Variants in FBXO34 observed in about 807,000 individuals in gnomAD.
FBXO34 encodes the protein F-box only protein 34.
A neutral mutation model predicts 24.5 loss-of-function variants in FBXO34; 12 were observed. That is an observed-to-expected ratio of 0.49 (90% CI 0.31 to 0.79). The LOEUF is 0.79. Among genes scored for constraint, FBXO34 ranks in the 30% least tolerant of loss-of-function variants. FBXO34 has a pLI of 0.04. For missense variants in FBXO34, 823 were observed against 857.7 expected, an observed-to-expected ratio of 0.96 and a Z score of 0.51; for synonymous variants, 320 against 311.9, an observed-to-expected ratio of 1.03 and a Z score of -0.27.
intron 1 of FBXO34, among the ~76,000 whole-genome samples, chr14:55,320,128 A>T (rs1464775902): frequency 2.0e-5 from 3 of 152,228 alleles, no homozygotes; most frequent in Admixed American, 2.0e-4. Context: ...TGCTTGCCAT[A>T]ATCTTTTCTC....
the FBXO34 span, among the ~76,000 whole-genome samples, chr14:55,378,550 T>G: frequency 6.6e-6 from 1 of 152,196 alleles, no homozygotes; most frequent in Non-Finnish European, 1.5e-5. Flanking sequence ...GCAACTGCCA[T>G]TCTTTTTACC....
intron 1 of FBXO34, among the ~76,000 whole-genome samples, chr14:55,317,394 C>T (rs1447523452): frequency 1.3e-5 from 2 of 152,210 alleles, no homozygotes; most frequent in East Asian, 1.9e-4. Context: ...GTGGGAGAAG[C>T]CCTTGAGCCC....
At chr14:55,414,881 T>A in the FBXO34 span, among the ~76,000 whole-genome samples, 1 of 152,222 alleles carries the variant, frequency 6.6e-6, no homozygotes, top group Non-Finnish European at 1.5e-5. Context: ...AGCTTTAAAT[T>A]TGTTTTAAAT....
chr14:55,419,846 C>G, the FBXO34 span, among the ~76,000 whole-genome samples: 1 of 152,180 alleles, frequency 6.6e-6, no homozygotes, highest in South Asian at 2.1e-4. Flanking sequence ...CAGTCAGACT[C>G]AAAGTTCATT....
intron 1 of FBXO34, among the ~76,000 whole-genome samples, chr14:55,299,493 C>G (rs533800008): frequency 2.3e-3 from 223 of 95,858 alleles, no homozygotes; most frequent in Non-Finnish European, 3.0e-3. Flanking sequence ...GTTTGCAAAT[C>G]CAAAAAAAAA....
intron 1 of FBXO34, chr14:55,298,503 G>A: frequency 1.7e-6 from 1 of 598,218 alleles, no homozygotes; most frequent in Non-Finnish European, 3.0e-6. Flanking sequence ...CCTTATGTTT[G>A]TACCAGTTTT....
intron 1 of FBXO34, among the ~76,000 whole-genome samples, chr14:55,334,920 T>G (rs1302185125): frequency 1.1e-4 from 17 of 152,314 alleles, no homozygotes. Context: ...AAGGTAGTTT[T>G]GTGGTAGAAC....
chr14:55,391,984 A>T, the FBXO34 span, among the ~76,000 whole-genome samples: 93 of 152,270 alleles, frequency 6.1e-4, no homozygotes, highest in South Asian at 4.8e-3. Flanking sequence ...TAGGTTCAGC[A>T]CCCCCTAAAG....
intron 1 of FBXO34, chr14:55,298,856 C>T (rs1228247327): frequency 1.9e-5 from 30 of 1,610,986 alleles, no homozygotes; most frequent in Non-Finnish European, 2.2e-5. Flanking sequence ...CGCAGATCGA[C>T]GGTACATTAT....
In FBXO34 at chr14:55,351,567, T is replaced by A. The variant is rs139948682; in HGVS notation, c.1177T>A (p.Ser393Thr). 3.1e-6 allele frequency: 5 copies of A among 1,614,016 alleles called. 1 individual carries two copies. In the African/African-American group the frequency reaches 6.7e-5, roughly 22 times the overall value. Residue 393 changes from serine to threonine, a missense_variant, in exon 2 of 2, where the codon TCG (serine) becomes ACG (threonine). Physicochemically the swap from Ser to Thr is moderately conservative, Grantham distance 58. This residue lies in a region of FBXO34 where 693 missense variants were observed against 659.1 expected (regional missense o/e 1.05). Coordinates refer to ENST00000313833, the MANE Select transcript of FBXO34 (RefSeq NM_017943.4). ...HIDSAELEPG[S>T]QTAVKNSNRY... Reference sequence around the variant, plus strand: ...AGACAGTGCAGAGTTAGAGCCGGGTTCGCAAACTGCCGTGAAAAACAGCAA... The same window carrying A: ...AGACAGTGCAGAGTTAGAGCCGGGTACGCAAACTGCCGTGAAAAACAGCAA...
At chr14:55,278,035 A>T (rs1295051733) in intron 1 of FBXO34, among the ~76,000 whole-genome samples, 1 of 152,158 alleles carries the variant, frequency 6.6e-6, no homozygotes, top group Non-Finnish European at 1.5e-5. Context: ...CTGCCACCGC[A>T]GCACCGAGAA....
intron 3 of FBXO34, among the ~76,000 whole-genome samples, chr14:55,359,578 TGAC>T (rs1884566207): frequency 6.6e-6 from 1 of 152,226 alleles, no homozygotes; most frequent in African/African-American, 2.4e-5. Context: ...TATTGATAGC[TGAC>T]GACTGATCAG....
the FBXO34 span, chr14:55,436,743 A>G: frequency 7.4e-6 from 12 of 1,614,212 alleles, no homozygotes; most frequent in East Asian, 1.1e-4. Flanking sequence ...AGCCCAGCCC[A>G]ACGTCCTGTT....
intron 1 of FBXO34, among the ~76,000 whole-genome samples, chr14:55,326,381 G>C (rs1883344134): frequency 1.3e-5 from 2 of 152,220 alleles, no homozygotes; most frequent in African/African-American, 4.8e-5. Context: ...CTAGGTGAGG[G>C]CTGCAGGTAA....
chr14:55,358,156 A>G (rs916032217), downstream of FBXO34, among the ~76,000 whole-genome samples: 4 of 151,996 alleles, frequency 2.6e-5, no homozygotes, highest in African/African-American at 7.2e-5. Context: ...CCCTTTCTCT[A>G]CCAGCCCTTA....
the FBXO34 span, chr14:55,436,692 G>T: frequency 6.2e-7 from 1 of 1,614,210 alleles, no homozygotes; most frequent in Admixed American, 1.7e-5. Context: ...TATCACCAGG[G>T]TGCAGCTGTG....
chr14:55,306,063 A>G (rs968739883), intron 1 of FBXO34, among the ~76,000 whole-genome samples: 6 of 152,224 alleles, frequency 3.9e-5, no homozygotes, highest in African/African-American at 1.4e-4. Context: ...GTGTGCATGT[A>G]TATAATACAT....
At chr14:55,423,170 G>C in the FBXO34 span, among the ~76,000 whole-genome samples, 2 of 152,190 alleles carry the variant, frequency 1.3e-5, no homozygotes, top group African/African-American at 4.8e-5. Flanking sequence ...TTCTGTCTCT[G>C]ATTACCGGTG....
At chr14:55,294,144 C>T (rs774360751) in intron 1 of FBXO34, among the ~76,000 whole-genome samples, 1 of 152,034 alleles carries the variant, frequency 6.6e-6, no homozygotes, top group African/African-American at 2.4e-5. Context: ...AGCTTCCTTA[C>T]CCTAGTCTGT....
Sources: gnomAD v4.1 joint callset for allele counts (sites outside exome capture counted in the v4.1 genomes callset) on GRCh38, gnomAD v4.1.1 for gene constraint, gnomAD v4.1.1 regional missense constraint, MANE v1.5 for transcripts, NCBI Gene and HGNC (gene_info 2026-07-23, HGNC 2026-07-21) for gene names.